Variants in NAALADL2 observed in about 807,000 individuals in gnomAD.
NAALADL2 encodes N-acetylated alpha-linked acidic dipeptidase like 2.
Under a neutral mutation model 87.2 loss-of-function variants are expected in NAALADL2, and 76 were observed. That is an observed-to-expected ratio of 0.87 (90% CI 0.72 to 1.05). The LOEUF (loss-of-function observed/expected upper bound fraction) is 1.05. Among genes scored for constraint, NAALADL2 ranks in the 50% least tolerant of loss-of-function variants. The probability of loss-of-function intolerance (pLI) is 0.00; values close to 1 mark genes in which losing one functional copy is unlikely to be tolerated. For missense variants in NAALADL2, 1,089 were observed against 945.8 expected, an observed-to-expected ratio of 1.15 and a Z score of -1.99; for synonymous variants, 354 against 331.0, an observed-to-expected ratio of 1.07 and a Z score of -0.75.
intron 10 of NAALADL2, among the ~76,000 whole-genome samples, chr3:175,622,627 T>A (rs1726389779): frequency 6.6e-6 from 1 of 152,164 alleles, no homozygotes; most frequent in African/African-American, 2.4e-5. Flanking sequence ...TCTAGTCAGA[T>A]AAAGCTTCTG....
intron 13 of NAALADL2, among the ~76,000 whole-genome samples, chr3:175,780,238 T>G (rs951704915): frequency 1.3e-5 from 2 of 151,142 alleles, no homozygotes; most frequent in African/African-American, 4.9e-5. Context: ...ATCGCGCCAC[T>G]GCACTCCAGC....
intron 2 of NAALADL2, among the ~76,000 whole-genome samples, chr3:175,176,518 A>G (rs1466310266): frequency 6.6e-6 from 1 of 152,162 alleles, no homozygotes; most frequent in East Asian, 1.9e-4. Context: ...ACCTGTGAAT[A>G]TATTACCTTG....
At chr3:175,204,342 A>C (rs1580914722) in intron 2 of NAALADL2, among the ~76,000 whole-genome samples, 1 of 152,344 alleles carries the variant, frequency 6.6e-6, no homozygotes, top group East Asian at 1.9e-4. Flanking sequence ...TAAAAACAAA[A>C]ATCACATGAT....
intron 9 of NAALADL2, among the ~76,000 whole-genome samples, chr3:175,487,166 C>T (rs1727397442): frequency 6.6e-6 from 1 of 152,178 alleles, no homozygotes; most frequent in African/African-American, 2.4e-5. Flanking sequence ...CCCCTTTGCT[C>T]ACTCTGTTGC....
chr3:174,785,523 C>T (rs1293003905), intron 3 of NAALADL2, among the ~76,000 whole-genome samples: 2 of 151,978 alleles, frequency 1.3e-5, no homozygotes, highest in African/African-American at 4.8e-5. Flanking sequence ...GTACCATTAC[C>T]ATGCTGTTTT....
chr3:174,676,155 G>A (rs1560136579), intron 2 of NAALADL2, among the ~76,000 whole-genome samples: 1 of 151,932 alleles, frequency 6.6e-6, no homozygotes, highest in African/African-American at 2.4e-5. Context: ...TTTATTCTTG[G>A]TAATTGACCA....
intron 11 of NAALADL2, among the ~76,000 whole-genome samples, chr3:175,646,375 A>G (rs974534788): frequency 6.6e-6 from 1 of 152,090 alleles, no homozygotes; most frequent in African/African-American, 2.4e-5. Context: ...ATATTATCTA[A>G]TATCTATTTT....
At chr3:175,454,886 A>G (rs966906088) in intron 6 of NAALADL2, among the ~76,000 whole-genome samples, 5 of 152,048 alleles carry the variant, frequency 3.3e-5, no homozygotes, top group African/African-American at 1.2e-4. Context: ...TCAGGTTTGC[A>G]TCAAGAAAAA....
At chr3:174,696,647 T>C (rs1239993931) in intron 2 of NAALADL2, among the ~76,000 whole-genome samples, 1 of 144,810 alleles carries the variant, frequency 6.9e-6, no homozygotes, top group African/African-American at 2.6e-5. Flanking sequence ...AGAGTAGAAC[T>C]ACAGATATAT....
At chr3:175,798,331 T>C (rs904154438) in intron 13 of NAALADL2, among the ~76,000 whole-genome samples, 2 of 152,054 alleles carry the variant, frequency 1.3e-5, no homozygotes, top group African/African-American at 4.8e-5. Flanking sequence ...TCTCAGTCAC[T>C]TATATTCTAC....
intron 9 of NAALADL2, among the ~76,000 whole-genome samples, chr3:175,537,525 A>G (rs572195644): frequency 6.6e-6 from 1 of 152,302 alleles, no homozygotes; most frequent in Non-Finnish European, 1.5e-5. Flanking sequence ...AGCAACATTA[A>G]TTAACAAATA....
At chr3:174,966,022 G>A (rs758144144) in intron 1 of NAALADL2, among the ~76,000 whole-genome samples, 2 of 152,040 alleles carry the variant, frequency 1.3e-5, no homozygotes, top group Non-Finnish European at 2.9e-5. Flanking sequence ...TGAGATTCAT[G>A]ATCATAAATA....
intron 2 of NAALADL2, among the ~76,000 whole-genome samples, chr3:174,588,333 G>A (rs972831098): frequency 3.9e-5 from 6 of 152,150 alleles, no homozygotes; most frequent in African/African-American, 1.4e-4. Context: ...TTAGCTCGGA[G>A]AAGTTTGTTA....
chr3:174,721,340 T>C (rs943130155), intron 2 of NAALADL2, among the ~76,000 whole-genome samples: 3 of 152,204 alleles, frequency 2.0e-5, no homozygotes, highest in African/African-American at 4.8e-5. Context: ...TTCTACTAGA[T>C]ATTTCCTTTC....
At chr3:175,774,618 T>C (rs1331239605) in intron 13 of NAALADL2, among the ~76,000 whole-genome samples, 3 of 151,948 alleles carry the variant, frequency 2.0e-5, no homozygotes, top group African/African-American at 4.8e-5. Flanking sequence ...CTCAATTAGC[T>C]GTTAGTTAAA....
At chr3:175,456,985 A>G (rs1054321515) in intron 6 of NAALADL2, among the ~76,000 whole-genome samples, 6 of 152,048 alleles carry the variant, frequency 3.9e-5, no homozygotes, top group African/African-American at 1.4e-4. Context: ...TTATCTCATG[A>G]GGATATTCAA....
At chr3:174,626,634 C>T (rs973225815) in intron 2 of NAALADL2, among the ~76,000 whole-genome samples, 1 of 151,952 alleles carries the variant, frequency 6.6e-6, no homozygotes, top group Admixed American at 6.6e-5. Context: ...CAACCTTCTT[C>T]ATAGTTGTAA....
chr3:174,955,852 T>A (rs946704461), intron 1 of NAALADL2, among the ~76,000 whole-genome samples: 1 of 152,004 alleles, frequency 6.6e-6, no homozygotes, highest in South Asian at 2.1e-4. Context: ...GCCCCTGAAT[T>A]TGGATTGCTC....
intron 9 of NAALADL2, among the ~76,000 whole-genome samples, chr3:175,486,091 AACTG>A (rs72526955): frequency 0.092 from 13,951 of 152,156 alleles, 795 homozygotes; most frequent in East Asian, 0.25. Context: ...TAGCAGCCTG[AACTG>A]ACTAAGACAC....
Sources: gnomAD v4.1 joint callset for allele counts (sites outside exome capture counted in the v4.1 genomes callset) on GRCh38, gnomAD v4.1.1 for gene constraint, MANE v1.5 for transcripts, NCBI Gene and HGNC (gene_info 2026-07-23, HGNC 2026-07-21) for gene names.